The following LGR4 variants were observed in gnomAD, a reference collection of about 807,000 sequenced individuals.
The protein encoded by LGR4 is leucine rich repeat containing G protein-coupled receptor 4, also known as leucine-rich repeat-containing G protein-coupled receptor 4.
A neutral mutation model predicts 84.8 loss-of-function variants in LGR4; 44 were observed. That is an observed-to-expected ratio of 0.52 (90% CI 0.41 to 0.67). The LOEUF is 0.67. Among genes scored for constraint, LGR4 ranks in the 30% least tolerant of loss-of-function variants. LGR4 has a pLI of 0.00. For missense variants in LGR4, 1,032 were observed against 1,131.4 expected (o/e 0.91, Z 1.26); for synonymous variants, 429 against 434.3 (o/e 0.99, Z 0.15).
At chr11:27,471,686 C>T (rs1864875523) in intron 1 of LGR4, 1 of 153,984 alleles carries the variant, frequency 6.5e-6, no homozygotes, top group Admixed American at 6.5e-5. Flanking sequence ...CAGACTGAGG[C>T]CAAGTTCTCG....
intron 1 of LGR4, among the ~76,000 whole-genome samples, chr11:27,459,983 C>T (rs1252546753): frequency 2.6e-5 from 4 of 152,014 alleles, no homozygotes; most frequent in African/African-American, 9.7e-5. Flanking sequence ...CCCAGCTACT[C>T]GGGAGGCTGA....
intron 2 of LGR4, among the ~76,000 whole-genome samples, chr11:27,407,562 T>C (rs1863635763): frequency 2.0e-5 from 3 of 152,146 alleles, no homozygotes; most frequent in African/African-American, 7.2e-5. Flanking sequence ...TTTTTAGCAT[T>C]AACTTAGGTA....
At chr11:27,433,405 T>C (rs1219029975) in intron 1 of LGR4, among the ~76,000 whole-genome samples, 2 of 151,312 alleles carry the variant, frequency 1.3e-5, no homozygotes, top group Non-Finnish European at 3.0e-5. Context: ...TTCTTTTTTT[T>C]TTTTTTTAGT....
chr11:27,371,519 C>G (rs1021822839), intron 17 of LGR4, 96 bp downstream of exon 17: 1 of 828,900 alleles, frequency 1.2e-6, no homozygotes, highest in Non-Finnish European at 2.0e-6. Context: ...AGTACCATCC[C>G]TATTACAGAA....
intron 15 of LGR4, 48 bp downstream of exon 15, chr11:27,373,503 G>A: frequency 6.8e-7 from 1 of 1,477,224 alleles, no homozygotes. Flanking sequence ...CTGTAATTTT[G>A]GAGCCTACCA....
chr11:27,433,888 T>C (rs570557105), intron 1 of LGR4, among the ~76,000 whole-genome samples: 85 of 152,318 alleles, frequency 5.6e-4, no homozygotes, highest in African/African-American at 1.9e-3. Flanking sequence ...TTAACTCTTC[T>C]GAGCTTCTAG....
chr11:27,368,412 A>C lies in LGR4; in HGVS notation c.2311T>G (p.Leu771Val). 1 of 1,613,458 alleles carries C rather than the reference A, an allele frequency of 6.2e-7. No individual in the cohort carries two copies. The highest frequency in any genetic ancestry group is 2.2e-5 in the East Asian group (1 of 44,792). ...GGGCTGATAGAGATTGCAGTGATCAATGGTGCAAATGAAAAAAACGCCACA... is the reference window on the plus strand; with the variant it reads ...GGGCTGATAGAGATTGCAGTGATCACTGGTGCAAATGAAAAAAACGCCACA... ...CPVAFFSFAP[L>V]ITAISISPEI... Residue 771 changes from leucine to valine, a missense_variant, in exon 18 of 18, where the codon TTG (leucine) becomes GTG (valine). Coordinates refer to ENST00000379214, the MANE Select transcript of LGR4 (RefSeq NM_018490.5).
chr11:27,370,284 C>T (rs1394900747), intron 17 of LGR4, among the ~76,000 whole-genome samples: 4 of 152,172 alleles, frequency 2.6e-5, no homozygotes, highest in Non-Finnish European at 4.4e-5. Flanking sequence ...TTTAAATTTC[C>T]TTTCTATTCC....
At chr11:27,459,856 C>G (rs1864650703) in intron 1 of LGR4, among the ~76,000 whole-genome samples, 1 of 151,498 alleles carries the variant, frequency 6.6e-6, no homozygotes, top group South Asian at 2.1e-4. Flanking sequence ...TTTGAGAGGC[C>G]AAGGCAGGTG....
intron 1 of LGR4, among the ~76,000 whole-genome samples, chr11:27,424,894 C>T (rs767052051): frequency 2.6e-5 from 4 of 152,112 alleles, no homozygotes; most frequent in Non-Finnish European, 5.9e-5. Context: ...ATTATAGGCA[C>T]GTGCCACCAC....
chr11:27,461,755 T>A (rs1194973900), intron 1 of LGR4, among the ~76,000 whole-genome samples: 3 of 150,628 alleles, frequency 2.0e-5, no homozygotes, highest in Non-Finnish European at 3.0e-5. Context: ...GCTCCTTATG[T>A]CCACATGGAA....
At chr11:27,396,588 G>A (rs1014628424) in intron 2 of LGR4, among the ~76,000 whole-genome samples, 2 of 152,032 alleles carry the variant, frequency 1.3e-5, no homozygotes, top group South Asian at 2.1e-4. Flanking sequence ...GGCTGATCCT[G>A]AGCAGGAATT....
At chr11:27,468,500 GGGT>G (rs1434120381) in intron 1 of LGR4, among the ~76,000 whole-genome samples, 1 of 152,178 alleles carries the variant, frequency 6.6e-6, no homozygotes, top group Non-Finnish European at 1.5e-5. Flanking sequence ...GTAATAAAGA[GGGT>G]GGTGTGAGCT....
At chr11:27,436,159 C>T (rs969025149) in intron 1 of LGR4, among the ~76,000 whole-genome samples, 2 of 151,940 alleles carry the variant, frequency 1.3e-5, no homozygotes, top group African/African-American at 4.8e-5. Context: ...GATCCACCCA[C>T]CTTGGCCTCC....
intron 1 of LGR4, among the ~76,000 whole-genome samples, chr11:27,421,924 T>C (rs1863928818): frequency 6.6e-6 from 1 of 152,216 alleles, no homozygotes. Flanking sequence ...TTCCTGTCTC[T>C]AATTTGATCA....
At chr11:27,414,346 T>A (rs1233174330) in intron 1 of LGR4, among the ~76,000 whole-genome samples, 1 of 151,464 alleles carries the variant, frequency 6.6e-6, no homozygotes, top group Non-Finnish European at 1.5e-5. Flanking sequence ...CACCTTGACA[T>A]AATTATCCAT....
intron 1 of LGR4, among the ~76,000 whole-genome samples, chr11:27,463,189 C>T (rs1385835732): frequency 2.0e-5 from 3 of 151,524 alleles, no homozygotes; most frequent in Non-Finnish European, 4.4e-5. Context: ...GAGGTTGAGG[C>T]TGCAGTGAGC....
chr11:27,408,830 A>G (rs1863658947), intron 2 of LGR4, among the ~76,000 whole-genome samples: 1 of 152,160 alleles, frequency 6.6e-6, no homozygotes, highest in Non-Finnish European at 1.5e-5. Flanking sequence ...TTATGGTTAC[A>G]AATCACTTTT....
rs148147363 is a variant in LGR4 at position 27,368,708 on chromosome 11, C to G, written c.2015G>C (p.Gly672Ala). The change falls in exon 18 of 18, where the codon GGT becomes GCT. Residue 672 changes from glycine to alanine, a missense_variant. Gly to Ala is a moderately conservative substitution (Grantham distance 60). Transcript: ENST00000379214. ...GGGAAAACAGCCTGCTACTGTAGCA[C>G]CTAGGAAAGCCAAAAGGGCAGCAAC... is the stretch of plus-strand genomic sequence containing the variant. ...FRVAALLAFL[G>A]ATVAGCFPLF... The G allele has an allele frequency of 6.3e-5, 102 of 1,613,412 alleles. No individual in the cohort carries two copies. The African/African-American group carries it at 1.2e-3, about 19-fold the overall frequency.
Sources: allele counts gnomAD v4.1 joint callset (sites outside exome capture counted in the v4.1 genomes callset), GRCh38; gene constraint gnomAD v4.1.1; transcripts MANE v1.5; gene names NCBI Gene and HGNC (gene_info 2026-07-23, HGNC 2026-07-21).